Variants in RALYL observed in about 807,000 individuals in gnomAD.
RALYL encodes the protein RNA-binding Raly-like protein.
RALYL carries 29 observed loss-of-function variants against 35.1 expected under a neutral mutation model. That is an observed-to-expected ratio of 0.83 (90% confidence interval 0.61 to 1.13). The LOEUF (loss-of-function observed/expected upper bound fraction) is 1.13. Among genes scored for constraint, RALYL ranks in the 50% most tolerant of loss-of-function variants. The pLI, the probability that RALYL is intolerant of heterozygous loss-of-function variation, is 0.00. For missense variants in RALYL, 359 were observed against 360.4 expected (o/e 1.00, Z 0.03); for synonymous variants, 120 against 127.6 (o/e 0.94, Z 0.40).
chr8:84,770,231 G>T (rs1281887761), intron 2 of RALYL, among the ~76,000 whole-genome samples: 1 of 151,766 alleles, frequency 6.6e-6, no homozygotes, highest in Non-Finnish European at 1.5e-5. Flanking sequence ...AAAGTCCATT[G>T]TATCATTCTT....
intron 2 of RALYL, among the ~76,000 whole-genome samples, chr8:84,532,926 C>A (rs2059366570): frequency 6.6e-6 from 1 of 151,982 alleles, no homozygotes; most frequent in Non-Finnish European, 1.5e-5. Context: ...TAGAGGGTAT[C>A]CATGTTTATT....
At position 84,275,405 on chromosome 8, in the gene RALYL, A is replaced by C. The variant is rs73304850; in HGVS notation, c.-24+90981A>C. On this transcript the variant is annotated intron_variant, in intron 1 of 8. Transcript: ENST00000521268. ...AACTTACATTTGTAAAATCAGTACT[A>C]ACTTTTTTGTTACTGCATTTTTAAA... Among the ~76,000 whole-genome samples the C allele has an allele frequency of 8.3e-3, 1,256 of 152,102 alleles. 19 individuals are homozygous for C. Among genetic ancestry groups the C allele is most frequent in the African/African-American group, 0.028 (1,151 of 41,522 alleles).
intron 1 of RALYL, among the ~76,000 whole-genome samples, chr8:84,266,406 T>C (rs1423666987): frequency 6.6e-6 from 1 of 152,218 alleles, no homozygotes; most frequent in African/African-American, 2.4e-5. Flanking sequence ...TCCAAGAGAA[T>C]GAGACCAATG....
chr8:84,424,798 A>T (rs911722611), intron 1 of RALYL, among the ~76,000 whole-genome samples: 47 of 151,970 alleles, frequency 3.1e-4, no homozygotes, highest in Non-Finnish European at 4.3e-4. Context: ...GGTCTGTTGG[A>T]ATACCCTGCT....
intron 2 of RALYL, among the ~76,000 whole-genome samples, chr8:84,591,016 T>TA (rs1813132834): frequency 6.6e-6 from 1 of 152,200 alleles, no homozygotes; most frequent in Non-Finnish European, 1.5e-5. Flanking sequence ...GCATTGTTTT[T>TA]ATATTCTTCT....
intron 2 of RALYL, among the ~76,000 whole-genome samples, chr8:84,534,206 G>A (rs1363182260): frequency 2.0e-5 from 3 of 152,110 alleles, no homozygotes; most frequent in Non-Finnish European, 2.9e-5. Context: ...GTGTTCTATC[G>A]CCCAACAGGG....
rs1004720399 is a variant in RALYL, at chr8:84,213,596, T to C, written c.-24+29172T>C. Among the ~76,000 whole-genome samples the C allele has an allele frequency of 6.6e-5, 10 of 152,214 alleles. No individual in the cohort carries two copies. In the East Asian group the frequency reaches 1.9e-3, roughly 29 times the overall value. On this transcript the variant is annotated intron_variant, in intron 1 of 8. Coordinates refer to ENST00000521268, the MANE Select transcript of RALYL (RefSeq NM_173848.7). ...TTTCTTCTCAAAAGGAAATTGTGTG[T>C]GTGTATATATGTGTCTCTTTTTGGT...
chr8:84,693,350 A>C (rs2132189308), intron 2 of RALYL, among the ~76,000 whole-genome samples: 1 of 152,040 alleles, frequency 6.6e-6, no homozygotes, highest in African/African-American at 2.4e-5. Context: ...CCTTCTTCAC[A>C]TGATGGCAGG....
At chr8:84,199,161 T>C (rs1352720685) in intron 1 of RALYL, among the ~76,000 whole-genome samples, 1 of 152,214 alleles carries the variant, frequency 6.6e-6, no homozygotes, top group Non-Finnish European at 1.5e-5. Flanking sequence ...ACATTTGTTA[T>C]TGCCTGGCTT....
At chr8:84,435,855 T>G (rs1208753817) in intron 1 of RALYL, among the ~76,000 whole-genome samples, 1 of 152,106 alleles carries the variant, frequency 6.6e-6, no homozygotes, top group Admixed American at 6.6e-5. Context: ...CACCCTACTG[T>G]CTCTAGATTT....
intron 4 of RALYL, among the ~76,000 whole-genome samples, chr8:84,845,454 G>A (rs1331403887): frequency 2.0e-5 from 3 of 152,094 alleles, no homozygotes; most frequent in Non-Finnish European, 2.9e-5. Flanking sequence ...TCATATGTTT[G>A]TTGTCAGCTT....
At chr8:84,304,761 AC>A (rs1841483625) in intron 1 of RALYL, among the ~76,000 whole-genome samples, 5 of 152,190 alleles carry the variant, frequency 3.3e-5, no homozygotes, top group Admixed American at 2.6e-4. Flanking sequence ...GTTGACCAAA[AC>A]AAAACAGAAT....
intron 1 of RALYL, among the ~76,000 whole-genome samples, chr8:84,391,162 C>A (rs1860598091): frequency 1.3e-5 from 2 of 151,990 alleles, no homozygotes; most frequent in African/African-American, 4.8e-5. Context: ...GATAACATCT[C>A]ATTGCGTGGA....
At chr8:84,259,111 C>T (rs1462927112) in intron 1 of RALYL, among the ~76,000 whole-genome samples, 1 of 152,016 alleles carries the variant, frequency 6.6e-6, no homozygotes, top group African/African-American at 2.4e-5. Flanking sequence ...GAACTGGGGG[C>T]ATAATAGAAA....
chr8:84,709,925 G>A lies in RALYL; in HGVS notation c.257-64654G>A, dbSNP rs544228210. Reference sequence around the variant, plus strand: ...AAAATACCAAAATTAGCTGGGCGTGGTGGCAGACACCTATAATCCCAGCTA... The same window carrying A: ...AAAATACCAAAATTAGCTGGGCGTGATGGCAGACACCTATAATCCCAGCTA... On this transcript the variant is annotated intron_variant, in intron 2 of 8. Coordinates refer to ENST00000521268, the MANE Select transcript of RALYL (RefSeq NM_173848.7). Among the ~76,000 whole-genome samples, 19 of 152,174 alleles carry A rather than the reference G, an allele frequency of 1.2e-4. No individual in the cohort carries two copies. The East Asian group carries it at 2.3e-3, about 19-fold the overall frequency.
intron 2 of RALYL, among the ~76,000 whole-genome samples, chr8:84,612,243 T>C (rs1050953750): frequency 1.3e-5 from 2 of 151,964 alleles, no homozygotes; most frequent in African/African-American, 4.8e-5. Context: ...AAAAATGCTA[T>C]TTGTTAAAAA....
At chr8:84,864,788 C>A in intron 6 of RALYL, 2 of 610,452 alleles carry the variant, frequency 3.3e-6, no homozygotes, top group South Asian at 1.5e-5. Context: ...CTGCTCCAAG[C>A]CAGCCCTGCA....
chr8:84,792,731 C>T (rs1821090733), intron 3 of RALYL, among the ~76,000 whole-genome samples: 1 of 152,148 alleles, frequency 6.6e-6, no homozygotes. Context: ...TAGTCTCTCC[C>T]TGGGGCCAGC....
intron 3 of RALYL, among the ~76,000 whole-genome samples, chr8:84,784,812 A>G (rs1280774183): frequency 6.6e-6 from 1 of 152,202 alleles, no homozygotes; most frequent in Non-Finnish European, 1.5e-5. Context: ...ACAAAGTCTC[A>G]CTAGATTATC....
Sources: allele counts gnomAD v4.1 joint callset (sites outside exome capture counted in the v4.1 genomes callset), GRCh38; gene constraint gnomAD v4.1.1; transcripts MANE v1.5; gene names NCBI Gene and HGNC (gene_info 2026-07-23, HGNC 2026-07-21).